Variants in TMEM131L observed in about 807,000 individuals in gnomAD.
TMEM131L encodes the protein transmembrane protein 131-like.
Under a neutral mutation model 192.2 loss-of-function variants are expected in TMEM131L, and 54 were observed. That is an observed-to-expected ratio of 0.28 (90% confidence interval 0.23 to 0.35). TMEM131L has a LOEUF of 0.35. Ranked by LOEUF, TMEM131L falls within the 10% of genes least tolerant of loss-of-function variation. TMEM131L has a pLI of 1.00. For synonymous variants in TMEM131L, 701 were observed against 704.9 expected (o/e 0.99, Z 0.09); for missense variants, 1,888 against 1,972.9 (o/e 0.96, Z 0.82).
rs754624423 is a variant in TMEM131L, at chr4:153,550,115, G to A, written c.282G>A (p.Gln94=). The change falls in exon 4 of 35, where the codon CAG becomes CAA. Residue 94 remains glutamine, a synonymous_variant. Coordinates refer to ENST00000409959, the MANE Select transcript of TMEM131L (RefSeq NM_001131007.2). ...TTAGTGGAAAAGGCTTACATTTTCA[G>A]CCATCAGTTTTAGATTTTGGAATAC... ...KLFSGKGLHF[Q]PSVLDFGIQF... The A allele has an allele frequency of 2.4e-5, 35 of 1,484,052 alleles. No individual in the cohort carries two copies. The highest frequency in any genetic ancestry group is 3.0e-5 in the Non-Finnish European group (33 of 1,104,242). 91.9% of individuals were successfully genotyped at this position (1,484,052 alleles called of 1,614,324 possible). A position where few individuals can be genotyped will look rare whatever the true frequency, so the allele number is the denominator to read the frequency against.
intron 25 of TMEM131L, among the ~76,000 whole-genome samples, chr4:153,607,273 A>G (rs981353936): frequency 2.6e-5 from 4 of 152,238 alleles, no homozygotes; most frequent in African/African-American, 9.6e-5. Context: ...TGAGAAAAGC[A>G]TATATATAAG....
chr4:153,488,534 C>G (rs925583742), intron 3 of TMEM131L, among the ~76,000 whole-genome samples: 1 of 152,192 alleles, frequency 6.6e-6, no homozygotes, highest in East Asian at 1.9e-4. Context: ...GTGCCACTTA[C>G]AGGGGAGAAG....
chr4:153,632,231 T>C, intron 31 of TMEM131L: 1 of 159,148 alleles, frequency 6.3e-6, no homozygotes, highest in Non-Finnish European at 1.4e-5. Flanking sequence ...GAGAATCACT[T>C]GAACCTGGGA....
At chr4:153,488,157 T>G (rs979408635) in intron 3 of TMEM131L, among the ~76,000 whole-genome samples, 5 of 137,232 alleles carry the variant, frequency 3.6e-5, no homozygotes, top group African/African-American at 1.4e-4. Context: ...TGGCTGAGTT[T>G]TGTGTGAGAG....
At chr4:153,487,719 T>TGTGTGTGTGTGA (rs369094307) in intron 3 of TMEM131L, among the ~76,000 whole-genome samples, 23 of 143,528 alleles carry the variant, frequency 1.6e-4, no homozygotes, top group African/African-American at 5.1e-4. Context: ...TGTGTGTGTG[T>TGTGTGTGTGTGA]GAGAGAGAGA....
intron 19 of TMEM131L, among the ~76,000 whole-genome samples, chr4:153,595,701 A>T (rs1731382118): frequency 1.4e-5 from 2 of 146,138 alleles, no homozygotes; most frequent in South Asian, 4.4e-4. Context: ...AACTTAGAGC[A>T]CAAGTTTTAT....
At chr4:153,475,782 GTAT>G (rs1357415471) in intron 3 of TMEM131L, among the ~76,000 whole-genome samples, 1 of 152,102 alleles carries the variant, frequency 6.6e-6, no homozygotes, top group Non-Finnish European at 1.5e-5. Context: ...ATTGTATTAG[GTAT>G]TATTAGTAAC....
chr4:153,624,596 A>G (rs1733699315), intron 29 of TMEM131L, among the ~76,000 whole-genome samples: 1 of 152,200 alleles, frequency 6.6e-6, no homozygotes, highest in Non-Finnish European at 1.5e-5. Flanking sequence ...GGGTGCCCAC[A>G]CGCCCCGTGA....
At position 153,588,892 on chromosome 4, in the gene TMEM131L, A is replaced by T. The variant is rs948516508; in HGVS notation, c.1555A>T (p.Asn519Tyr). ...ATGGAATCTGATCTAACTTTTAGGA[A>T]ATCCTAATTGGAATGGGAGCCTTTC... ...HYFMGKSKAG[N>Y]PNWNGSLSLD... Residue 519 changes from asparagine to tyrosine, a missense_variant and splice_region_variant, in exon 16 of 35, where the codon AAT (asparagine) becomes TAT (tyrosine). Physicochemically the swap from Asn to Tyr is moderately radical, Grantham distance 143. Coordinates refer to ENST00000409959, the MANE Select transcript of TMEM131L (RefSeq NM_001131007.2). 6.6e-7 allele frequency: 1 copy of T among 1,519,482 alleles called. No homozygotes were observed. The highest frequency in any genetic ancestry group is 9.1e-7 in the Non-Finnish European group (1 of 1,094,696). 94.1% of individuals were successfully genotyped at this position (1,519,482 alleles called of 1,614,324 possible). A position where few individuals can be genotyped will look rare whatever the true frequency, so the allele number is the denominator to read the frequency against.
At chr4:153,631,084 C>T (rs1734178646) in intron 31 of TMEM131L, among the ~76,000 whole-genome samples, 2 of 152,236 alleles carry the variant, frequency 1.3e-5, no homozygotes, top group Admixed American at 1.3e-4. Flanking sequence ...GCTGTGAGAA[C>T]CACTTTGGGT....
chr4:153,581,469 A>G lies in TMEM131L; in HGVS notation c.801A>G (p.Glu267=), dbSNP rs1006964059. 1.3e-6 allele frequency: 2 copies of G among 1,598,806 alleles called. No homozygotes were observed. The highest frequency in any genetic ancestry group is 2.7e-5 in the African/African-American group (2 of 74,434). Residue 267 remains glutamate, a synonymous_variant, in exon 9 of 35, where the codon GAA becomes GAG. Transcript: ENST00000409959. ...RLQMSIMVTM[E]NFSKEFEENT... is the part of the protein sequence containing the mutation. ...AAATGAGCATAATGGTAACAATGGA[A>G]AACTTTTCAAAAGAATTTGAAGAAA...
At chr4:153,583,872 T>C (rs1730528181) in intron 11 of TMEM131L, among the ~76,000 whole-genome samples, 200 bp downstream of exon 11, 1 of 152,234 alleles carries the variant, frequency 6.6e-6, no homozygotes, top group Non-Finnish European at 1.5e-5. Context: ...CTGCCACATA[T>C]GTAGAATTTT....
At chr4:153,485,408 G>T (rs1264200789) in intron 3 of TMEM131L, among the ~76,000 whole-genome samples, 1 of 152,180 alleles carries the variant, frequency 6.6e-6, no homozygotes, top group Non-Finnish European at 1.5e-5. Flanking sequence ...AACTTCTTCT[G>T]TAGGAAAGAT....
intron 18 of TMEM131L, 94 bp from the exon 19 acceptor site, chr4:153,593,705 T>C (rs1731228865): frequency 2.5e-6 from 2 of 806,038 alleles, no homozygotes; most frequent in Admixed American, 1.9e-5. Context: ...TGTACTCACC[T>C]ATGTATAAAT....
At chr4:153,584,765 A>T in intron 11 of TMEM131L, 70 bp from the exon 12 acceptor site, 1 of 1,015,476 alleles carries the variant, frequency 9.8e-7, no homozygotes, top group Non-Finnish European at 1.5e-6. Context: ...AATAAGACAT[A>T]TATCTTTTGT....
At chr4:153,597,880 C>T (rs1281720163) in intron 20 of TMEM131L, among the ~76,000 whole-genome samples, 1 of 152,092 alleles carries the variant, frequency 6.6e-6, no homozygotes, top group Non-Finnish European at 1.5e-5. Context: ...CTGCAGTGAG[C>T]CGTGATCATG....
chr4:153,466,521 G>A lies in TMEM131L; in HGVS notation c.124G>A (p.Ala42Thr). The change falls in exon 1 of 35, where the codon GCG (alanine) becomes ACG (threonine). Residue 42 changes from alanine (A) to threonine (T), a missense_variant and splice_region_variant. By Grantham distance (58) the Ala-to-Thr change is moderately conservative (BLOSUM62 0). Coordinates refer to ENST00000409959, the MANE Select transcript of TMEM131L (RefSeq NM_001131007.2). ...CCRPGGAQGQ[A>T]IEPLPNVVEL... ...TCGCCCGGGAGGGGCTCAGGGACAA[G>A]GTCAGCCTTGCGCCGCTGGGCTCGC... is the stretch of plus-strand genomic sequence containing the variant. 7.3e-7 allele frequency: 1 copy of A among 1,370,710 alleles called. No homozygotes were observed. The highest frequency in any genetic ancestry group is 9.5e-7 in the Non-Finnish European group (1 of 1,054,700). The allele number at this position is 1,370,710 out of a possible 1,614,324, so 84.9% of individuals were successfully genotyped here. A position where few individuals can be genotyped will look rare whatever the true frequency, so the allele number is the denominator to read the frequency against.
chr4:153,622,842 A>T (rs1733534188), intron 28 of TMEM131L, 56 bp from the exon 29 acceptor site: 2 of 1,554,748 alleles, frequency 1.3e-6, no homozygotes, highest in African/African-American at 2.7e-5. Context: ...TTCTGTTAGA[A>T]ATGCATGAGG....
intron 3 of TMEM131L, among the ~76,000 whole-genome samples, chr4:153,539,656 A>G (rs10001304): frequency 0.48 from 73,196 of 151,794 alleles, 22,063 homozygotes; most frequent in African/African-American, 0.86. Flanking sequence ...GTGAAGCAGG[A>G]GGCTCCCTTG....
Sources: gnomAD v4.1 joint callset for allele counts (sites outside exome capture counted in the v4.1 genomes callset) on GRCh38, gnomAD v4.1.1 for gene constraint, MANE v1.5 for transcripts, NCBI Gene and HGNC (gene_info 2026-07-23, HGNC 2026-07-21) for gene names.